The following MBOAT1 variants were observed in gnomAD, a reference collection of about 807,000 sequenced individuals.
MBOAT1 encodes membrane-bound glycerophospholipid O-acyltransferase 1.
A neutral mutation model predicts 64.4 loss-of-function variants in MBOAT1; 67 were observed. The observed-to-expected ratio is 1.04, with a 90% confidence interval of 0.85 to 1.27. The LOEUF is 1.27. MBOAT1 is among the 50% of genes most tolerant of loss of function. The probability of loss-of-function intolerance (pLI) is 0.00; values close to 1 mark genes in which losing one functional copy is unlikely to be tolerated. For synonymous variants in MBOAT1, 229 were observed against 218.9 expected, an observed-to-expected ratio of 1.05 and a Z score of -0.41; for missense variants, 563 against 604.6, an observed-to-expected ratio of 0.93 and a Z score of 0.72.
chr6:20,102,277 T>C lies in MBOAT1; in HGVS notation c.*9A>G. 6.2e-7 allele frequency: 1 copy of C among 1,612,852 alleles called. No individual in the cohort carries two copies. The highest frequency in any genetic ancestry group is 8.5e-7 in the Non-Finnish European group (1 of 1,179,636). On this transcript the variant is annotated 3_prime_UTR_variant, in exon 13 of 13. Transcript: ENST00000324607. ...TGCAGTTTTGCTTGTTCCGCTTCTC[T>C]TGGAGGTATCAATCTGTTTTTCTCT...
chr6:20,194,037 T>C (rs886948500), intron 1 of MBOAT1, among the ~76,000 whole-genome samples: 3 of 152,186 alleles, frequency 2.0e-5, no homozygotes, highest in African/African-American at 7.2e-5. Flanking sequence ...CATTCTTCTA[T>C]GAAATTCTCT....
At chr6:20,164,678 C>A (rs1402154452) in intron 1 of MBOAT1, among the ~76,000 whole-genome samples, 1 of 152,106 alleles carries the variant, frequency 6.6e-6, no homozygotes, top group African/African-American at 2.4e-5. Context: ...TTTTAATATT[C>A]AGCCAGGGCT....
intron 1 of MBOAT1, among the ~76,000 whole-genome samples, chr6:20,177,311 C>T (rs939033199): frequency 7.2e-5 from 11 of 152,206 alleles, no homozygotes; most frequent in Non-Finnish European, 1.6e-4. Context: ...CCAAGGTCCG[C>T]AGATACGGAC....
intron 1 of MBOAT1, among the ~76,000 whole-genome samples, chr6:20,196,450 A>G (rs1013690254): frequency 2.0e-5 from 3 of 152,074 alleles, no homozygotes; most frequent in African/African-American, 7.2e-5. Context: ...AGAAGGGGGG[A>G]TAGGGAGGCA....
intron 1 of MBOAT1, among the ~76,000 whole-genome samples, chr6:20,166,666 C>G (rs2113717526): frequency 6.6e-6 from 1 of 152,172 alleles, no homozygotes; most frequent in East Asian, 1.9e-4. Flanking sequence ...AGGAAATCTG[C>G]CAGGCGTGAT....
intron 9 of MBOAT1, among the ~76,000 whole-genome samples, chr6:20,115,809 A>G (rs1261083950): frequency 6.6e-6 from 1 of 152,114 alleles, no homozygotes; most frequent in Non-Finnish European, 1.5e-5. Flanking sequence ...TGTGCAGTTA[A>G]CTCTATAAAT....
chr6:20,151,860 C>T (rs983771308), intron 2 of MBOAT1, among the ~76,000 whole-genome samples: 21 of 152,326 alleles, frequency 1.4e-4, no homozygotes, highest in Admixed American at 3.3e-4. Context: ...CTGCACTAAA[C>T]GCATTGTTCT....
intron 4 of MBOAT1, among the ~76,000 whole-genome samples, chr6:20,135,267 T>A (rs186572294): frequency 2.5e-4 from 38 of 152,032 alleles, no homozygotes; most frequent in Non-Finnish European, 5.1e-4. Context: ...GAAACTAAGA[T>A]CATTAGTCAA....
At chr6:20,143,914 A>G (rs1581420188) in intron 4 of MBOAT1, among the ~76,000 whole-genome samples, 1 of 152,204 alleles carries the variant, frequency 6.6e-6, no homozygotes, top group Admixed American at 6.5e-5. Flanking sequence ...CTGTAGTGCA[A>G]AAGCACTCAT....
intron 1 of MBOAT1, among the ~76,000 whole-genome samples, chr6:20,181,871 T>C (rs1762521104): frequency 6.6e-6 from 1 of 152,196 alleles, no homozygotes; most frequent in Admixed American, 6.5e-5. Flanking sequence ...TTTACATCTA[T>C]AGTAAATTTA....
At chr6:20,108,914 CA>C (rs1760037597) in intron 12 of MBOAT1, among the ~76,000 whole-genome samples, 1 of 152,360 alleles carries the variant, frequency 6.6e-6, no homozygotes, top group African/African-American at 2.4e-5. Flanking sequence ...CACACACAAT[CA>C]GTTCACAAGA....
intron 4 of MBOAT1, among the ~76,000 whole-genome samples, chr6:20,144,018 T>C (rs1581420268): frequency 6.6e-6 from 1 of 152,348 alleles, no homozygotes; most frequent in East Asian, 1.9e-4. Context: ...GGCTGTACTT[T>C]GTGGTTCCTG....
At chr6:20,128,165 C>T (rs1760716391) in intron 6 of MBOAT1, among the ~76,000 whole-genome samples, 1 of 152,054 alleles carries the variant, frequency 6.6e-6, no homozygotes, top group African/African-American at 2.4e-5. Context: ...ATTCCCCTCC[C>T]ACTTCTTCTC....
intron 1 of MBOAT1, among the ~76,000 whole-genome samples, chr6:20,192,921 G>C (rs1762842820): frequency 6.6e-6 from 1 of 150,462 alleles, no homozygotes. Flanking sequence ...ACCTCAGGAG[G>C]AAACCCAAAC....
At chr6:20,177,597 C>A (rs1264597737) in intron 1 of MBOAT1, among the ~76,000 whole-genome samples, 2 of 151,908 alleles carry the variant, frequency 1.3e-5, no homozygotes, top group South Asian at 4.2e-4. Flanking sequence ...CACGGTGAAA[C>A]CCCGTCTCTA....
chr6:20,141,359 CTTTT>C (rs755615744), intron 4 of MBOAT1, among the ~76,000 whole-genome samples: 34 of 99,808 alleles, frequency 3.4e-4, no homozygotes, highest in South Asian at 7.2e-4. Flanking sequence ...TTTTCTTTTT[CTTTT>C]TTTTTTTTTT....
At chr6:20,157,412 T>A (rs916195343) in intron 1 of MBOAT1, among the ~76,000 whole-genome samples, 1 of 152,176 alleles carries the variant, frequency 6.6e-6, no homozygotes, top group African/African-American at 2.4e-5. Flanking sequence ...AGGCAGCATA[T>A]AGAAAATGTT....
intron 4 of MBOAT1, among the ~76,000 whole-genome samples, chr6:20,142,267 G>C (rs551613565): frequency 6.6e-6 from 1 of 152,256 alleles, no homozygotes; most frequent in Admixed American, 6.5e-5. Context: ...CCTATTAAGT[G>C]TCAAGAACTC....
At chr6:20,204,213 C>T (rs141828688) in intron 1 of MBOAT1, among the ~76,000 whole-genome samples, 2 of 152,314 alleles carry the variant, frequency 1.3e-5, no homozygotes, top group African/African-American at 4.8e-5. Context: ...GGAAGTTCTC[C>T]CCTAGCACTG....
Sources: gnomAD v4.1 joint callset for allele counts (sites outside exome capture counted in the v4.1 genomes callset) on GRCh38, gnomAD v4.1.1 for gene constraint, MANE v1.5 for transcripts, NCBI Gene and HGNC (gene_info 2026-07-23, HGNC 2026-07-21) for gene names.